The following PDE1A variants were observed in gnomAD, a reference collection of about 807,000 sequenced individuals.
PDE1A encodes the protein phosphodiesterase 1A, also known as dual specificity calcium/calmodulin-dependent 3',5'-cyclic nucleotide phosphodiesterase 1A.
Under a neutral mutation model 61.7 loss-of-function variants are expected in PDE1A, and 35 were observed. That is an observed-to-expected ratio of 0.57 (90% CI 0.43 to 0.75). PDE1A has a LOEUF of 0.75. Among genes scored for constraint, PDE1A ranks in the 30% least tolerant of loss-of-function variants. PDE1A has a pLI of 0.00. For missense variants in PDE1A, 597 were observed against 630.6 expected, an observed-to-expected ratio of 0.95 and a Z score of 0.57; for synonymous variants, 232 against 213.2, an observed-to-expected ratio of 1.09 and a Z score of -0.77.
In PDE1A at chr2:182,449,858, A is replaced by T. The variant is rs577108342; in HGVS notation, c.101+72418T>A. Among the ~76,000 whole-genome samples, 139 of 152,188 alleles carry T rather than the reference A, an allele frequency of 9.1e-4. 1 individual carries two copies. Among genetic ancestry groups the T allele is most frequent in the African/African-American group, 3.1e-3 (130 of 41,556 alleles). Reference sequence around the variant, plus strand: ...ATAACTACTACATAGGGCTGCCCTAATAACTGAAGAGAATCAGAGTGAATT... The same window carrying T: ...ATAACTACTACATAGGGCTGCCCTATTAACTGAAGAGAATCAGAGTGAATT... On this transcript the variant is annotated intron_variant, in intron 2 of 14. Transcript: ENST00000410103.
At chr2:182,500,990 A>G (rs1247400361) in intron 2 of PDE1A, among the ~76,000 whole-genome samples, 2 of 152,246 alleles carry the variant, frequency 1.3e-5, no homozygotes, top group Non-Finnish European at 2.9e-5. Context: ...ATTTTGTTAT[A>G]AAATTTCAAC....
chr2:182,436,810 G>A (rs957063377), intron 2 of PDE1A, among the ~76,000 whole-genome samples: 4 of 151,882 alleles, frequency 2.6e-5, no homozygotes, highest in Non-Finnish European at 2.9e-5. Flanking sequence ...TATATAGTTC[G>A]CATATTACAG....
intron 2 of PDE1A, among the ~76,000 whole-genome samples, chr2:182,452,947 G>A (rs1168025749): frequency 6.6e-6 from 1 of 152,078 alleles, no homozygotes; most frequent in Non-Finnish European, 1.5e-5. Flanking sequence ...AGAACAGATG[G>A]TGACTGCACT....
At chr2:182,199,641 T>C (rs1169166766) in intron 10 of PDE1A, among the ~76,000 whole-genome samples, 3 of 152,112 alleles carry the variant, frequency 2.0e-5, no homozygotes, top group Non-Finnish European at 1.5e-5. Context: ...ATTGATTGAG[T>C]ATATCATTAT....
At chr2:182,467,291 A>T (rs1022202262) in intron 2 of PDE1A, among the ~76,000 whole-genome samples, 1 of 151,898 alleles carries the variant, frequency 6.6e-6, no homozygotes, top group Non-Finnish European at 1.5e-5. Flanking sequence ...GATATTACAA[A>T]CAACTTTGTG....
chr2:182,281,301 G>A (rs920517720), intron 1 of PDE1A, among the ~76,000 whole-genome samples: 6 of 151,860 alleles, frequency 4.0e-5, no homozygotes, highest in African/African-American at 1.4e-4. Flanking sequence ...CTTTTAAAAT[G>A]TCCAGTGGAA....
the PDE1A span, among the ~76,000 whole-genome samples, chr2:182,543,246 T>C: frequency 6.6e-6 from 1 of 152,346 alleles, no homozygotes. Context: ...AGTGTATTTA[T>C]TAATGTTTTC....
the PDE1A span, among the ~76,000 whole-genome samples, chr2:182,652,595 G>T: frequency 1.1e-4 from 17 of 152,014 alleles, no homozygotes; most frequent in African/African-American, 3.9e-4. Context: ...TGTGAGGTGG[G>T]GCACATCCTC....
chr2:182,546,158 G>C, the PDE1A span, among the ~76,000 whole-genome samples: 1 of 152,152 alleles, frequency 6.6e-6, no homozygotes, highest in Admixed American at 6.5e-5. Flanking sequence ...GAAAGTGGCA[G>C]AGTTCCTGAT....
intron 2 of PDE1A, among the ~76,000 whole-genome samples, chr2:182,444,788 T>C (rs1434730915): frequency 1.3e-5 from 2 of 152,138 alleles, no homozygotes; most frequent in African/African-American, 4.8e-5. Context: ...TGTATGCATA[T>C]ATAGCTGAAT....
At chr2:182,613,812 A>G in the PDE1A span, among the ~76,000 whole-genome samples, 1 of 152,170 alleles carries the variant, frequency 6.6e-6, no homozygotes, top group Non-Finnish European at 1.5e-5. Context: ...AAGGATTGCC[A>G]TGGGGTATTT....
At chr2:182,692,393 A>G in the PDE1A span, among the ~76,000 whole-genome samples, 43 of 152,238 alleles carry the variant, frequency 2.8e-4, 1 homozygote, top group South Asian at 8.5e-3. Context: ...GCTGGAAACC[A>G]TCATTCTCAG....
chr2:182,606,790 A>C, the PDE1A span, among the ~76,000 whole-genome samples: 1 of 152,208 alleles, frequency 6.6e-6, no homozygotes, highest in African/African-American at 2.4e-5. Flanking sequence ...ATGGCACTGA[A>C]GGAATGGAAG....
chr2:182,289,587 C>T (rs1031657574), intron 1 of PDE1A, among the ~76,000 whole-genome samples: 3 of 152,070 alleles, frequency 2.0e-5, no homozygotes, highest in Non-Finnish European at 2.9e-5. Flanking sequence ...CAAGAAAAAG[C>T]AGATTTCAAG....
chr2:182,620,249 T>A, the PDE1A span, among the ~76,000 whole-genome samples: 3 of 152,178 alleles, frequency 2.0e-5, no homozygotes, highest in African/African-American at 4.8e-5. Flanking sequence ...ATTAACACAT[T>A]TCTATATTAA....
At chr2:182,597,647 C>T in the PDE1A span, among the ~76,000 whole-genome samples, 1 of 152,132 alleles carries the variant, frequency 6.6e-6, no homozygotes, top group Admixed American at 6.5e-5. Context: ...AAGAAGTGTA[C>T]TTTTTCACAT....
chr2:182,279,416 G>C (rs1693656860), intron 1 of PDE1A, among the ~76,000 whole-genome samples: 1 of 142,122 alleles, frequency 7.0e-6, no homozygotes. Context: ...TTACTGGTAA[G>C]AGCAACCTTC....
At chr2:182,213,236 G>T (rs7579614) in intron 7 of PDE1A, among the ~76,000 whole-genome samples, 2 of 147,360 alleles carry the variant, frequency 1.4e-5, no homozygotes, top group African/African-American at 5.0e-5. Context: ...CTAACAAACA[G>T]AAAGGACATC....
intron 8 of PDE1A, among the ~76,000 whole-genome samples, chr2:182,202,075 A>G (rs1323404120): frequency 6.6e-6 from 1 of 152,212 alleles, no homozygotes; most frequent in African/African-American, 2.4e-5. Context: ...TGCAGTCATA[A>G]TTCCTAAATA....
Sources: gnomAD v4.1 joint callset for allele counts (sites outside exome capture counted in the v4.1 genomes callset) on GRCh38, gnomAD v4.1.1 for gene constraint, MANE v1.5 for transcripts, NCBI Gene and HGNC (gene_info 2026-07-23, HGNC 2026-07-21) for gene names.